MAP4K5: variants seen among roughly 807,000 people sequenced by gnomAD.
The protein encoded by MAP4K5 is mitogen-activated protein kinase kinase kinase kinase 5, also known as MAPK/ERK kinase kinase kinase 5.
Under a neutral mutation model 135.6 loss-of-function variants are expected in MAP4K5, and 82 were observed. That is an observed-to-expected ratio of 0.60 (90% CI 0.51 to 0.73). The LOEUF is 0.73. Among genes scored for constraint, MAP4K5 ranks in the 30% least tolerant of loss-of-function variants. The pLI is 0.00. For missense variants in MAP4K5, 907 were observed against 1,010.9 expected, an observed-to-expected ratio of 0.90 and a Z score of 1.39; for synonymous variants, 347 against 335.0, an observed-to-expected ratio of 1.04 and a Z score of -0.39.
intron 8 of MAP4K5, 93 bp from the exon 9 acceptor site, chr14:50,475,242 C>T: frequency 1.1e-6 from 1 of 875,286 alleles, no homozygotes; most frequent in Non-Finnish European, 1.9e-6. Flanking sequence ...ATTAATAATT[C>T]AAATATTAAT....
At chr14:50,427,174 T>C (rs748442235) in intron 30 of MAP4K5, among the ~76,000 whole-genome samples, 4 of 152,202 alleles carry the variant, frequency 2.6e-5, no homozygotes, top group Admixed American at 2.0e-4. Flanking sequence ...GAACAAACTT[T>C]TGTGTAACAA....
rs573578974 is a variant in MAP4K5 at position 50,437,527 on chromosome 14, C to T, written c.1831G>A (p.Ala611Thr). The T allele has an allele frequency of 2.3e-5, 36 of 1,598,276 alleles. No homozygotes were observed. Among genetic ancestry groups the T allele is most frequent in the Non-Finnish European group, 2.6e-5 (31 of 1,172,604 alleles). Residue 611 changes from alanine to threonine, a missense_variant, in exon 26 of 33, where the codon GCT (alanine) becomes ACT (threonine). By Grantham distance (58) the Ala-to-Thr change is moderately conservative. This residue lies in a region of MAP4K5 where 690 missense variants were observed against 777.4 expected (regional missense o/e 0.89). Transcript: ENST00000682126. ...FPDRILPRKF[A>T]LTTKIPDTKG... The stretch of plus-strand genomic sequence containing the variant: ...GTATCAGGAATCTTTGTTGTTAAAG[C>T]GAATTTTCTGAAAACGTAAGACGAT...
At chr14:50,424,174 A>G (rs940104343) in intron 31 of MAP4K5, among the ~76,000 whole-genome samples, 4 of 152,078 alleles carry the variant, frequency 2.6e-5, no homozygotes, top group Non-Finnish European at 4.4e-5. Flanking sequence ...AAGTTAAAAA[A>G]AAAAAAAAGT....
chr14:50,426,973 ATAAT>A (rs1420866844), intron 30 of MAP4K5, among the ~76,000 whole-genome samples: 3 of 152,238 alleles, frequency 2.0e-5, no homozygotes, highest in Non-Finnish European at 4.4e-5. Context: ...TTCTGGGAAC[ATAAT>A]TAAGCTCAAT....
rs376197564 is a variant in MAP4K5, at chr14:50,466,194, T to C, written c.737+389A>G. On this transcript the variant is annotated intron_variant, in intron 11 of 32. Transcript: ENST00000682126. ...GAGTTTGAGACCAGCCTGGGCAACA[T>C]AGTGAGACCCTGTCTCTATAACAAA... Among the ~76,000 whole-genome samples the C allele has an allele frequency of 1.2e-3, 183 of 151,746 alleles. 2 individuals carry two copies. In the South Asian group the frequency reaches 0.033, roughly 27 times the overall value.
chr14:50,428,565 C>A lies in MAP4K5; in HGVS notation c.2326+97G>T. ...AACATTTCTATCTTTACAGAAATTT[C>A]TGTGAGACAGTGCTGGTCTAGACAA... is the stretch of plus-strand genomic sequence containing the variant. On this transcript the variant is annotated intron_variant, in intron 30 of 32. Transcript: ENST00000682126. 3.0e-6 allele frequency: 2 copies of A among 670,638 alleles called. 1 individual carries two copies. The highest frequency in any genetic ancestry group is 4.7e-5 in the South Asian group (2 of 42,268). 41.5% of individuals were successfully genotyped at this position (670,638 alleles called of 1,614,324 possible).
chr14:50,440,061 T>A lies in MAP4K5; in HGVS notation c.1657A>T (p.Lys553Ter), dbSNP rs2036191017. The A allele has an allele frequency of 6.6e-7, 1 of 1,519,774 alleles. No individual in the cohort carries two copies. Among genetic ancestry groups the A allele is most frequent in the African/African-American group, 1.4e-5 (1 of 71,766 alleles). 94.1% of individuals were successfully genotyped at this position (1,519,774 alleles called of 1,614,324 possible). Residue 553 changes from lysine to a stop codon, truncating the protein, a stop_gained, in exon 23 of 33, where the codon AAG (lysine) becomes TAG (stop). Coordinates refer to ENST00000682126, the MANE Select transcript of MAP4K5 (RefSeq NM_006575.6). LOFTEE classifies it high-confidence loss of function. The stretch of plus-strand genomic sequence containing the variant: ...TTGATAACATACAGCCAAGTACACT[T>A]CCGTGGAAATAACTAAGAAAAAGAA... ...EATMEQLFPR[K>*]CTWLYVINNT...
chr14:50,473,957 C>G lies in MAP4K5; in HGVS notation c.542+1120G>C, dbSNP rs1355675627. Among the ~76,000 whole-genome samples the G allele has an allele frequency of 5.3e-5, 8 of 152,192 alleles. No individual in the cohort carries two copies. The East Asian group carries it at 1.5e-3, about 29-fold the overall frequency. On this transcript the variant is annotated intron_variant, in intron 9 of 32. Transcript: ENST00000682126. Reference sequence around the variant, plus strand: ...GCCAGGATGGTCTCGATCTCCTGACCTCTTGATCCGCCCGCCTCAGCCTCT... The same window carrying G: ...GCCAGGATGGTCTCGATCTCCTGACGTCTTGATCCGCCCGCCTCAGCCTCT...
rs773304287 is a variant in MAP4K5, at chr14:50,456,570, T to C, written c.961A>G (p.Ile321Val). ...CTGGCATTCCTGTTTGTAGATCTAA[T>C]GGTATGACGAATGATTGCATGGGGC... ...FEPHAIIRHT[I>V]RSTNRNARAE... is the part of the protein sequence containing the mutation. The change falls in exon 14 of 33, where the codon ATT becomes GTT. Residue 321 changes from isoleucine to valine, a missense_variant. Around this residue, in one of 3 missense-constraint regions of MAP4K5, gnomAD observed 690 missense variants for 777.4 expected, o/e 0.89. Transcript: ENST00000682126. 2.5e-6 allele frequency: 4 copies of C among 1,576,452 alleles called. No individual in the cohort carries two copies. The highest frequency in any genetic ancestry group is 2.7e-5 in the African/African-American group (2 of 74,114).
chr14:50,434,896 A>G (rs1474565675), intron 27 of MAP4K5, 66 bp downstream of exon 27: 12 of 923,786 alleles, frequency 1.3e-5, no homozygotes. Flanking sequence ...GGGATCTGCT[A>G]ATTTTAGCTT....
chr14:50,446,206 A>G, intron 16 of MAP4K5, 85 bp from the exon 17 acceptor site: 1 of 807,146 alleles, frequency 1.2e-6, no homozygotes. Context: ...TATTAAAATC[A>G]GTTTCTATAC....
chr14:50,430,524 T>C (rs1178971446), intron 28 of MAP4K5, among the ~76,000 whole-genome samples: 1 of 152,222 alleles, frequency 6.6e-6, no homozygotes, highest in African/African-American at 2.4e-5. Flanking sequence ...GATTGCCAAA[T>C]AGCAGGTATT....
chr14:50,456,719 A>G, intron 13 of MAP4K5, 125 bp from the exon 14 acceptor site: 4 of 641,854 alleles, frequency 6.2e-6, no homozygotes, highest in Non-Finnish European at 1.1e-5. Context: ...TAAACATAAA[A>G]CAAATACAAT....
At chr14:50,551,135 T>C (rs1195226161) in intron 1 of MAP4K5, among the ~76,000 whole-genome samples, 2 of 151,870 alleles carry the variant, frequency 1.3e-5, no homozygotes, top group Non-Finnish European at 2.9e-5. Context: ...ATTAGTGAGA[T>C]TAACTAAGAA....
chr14:50,473,827 C>T (rs2037030191), intron 9 of MAP4K5, among the ~76,000 whole-genome samples: 1 of 151,056 alleles, frequency 6.6e-6, no homozygotes, highest in Non-Finnish European at 1.5e-5. Flanking sequence ...GGGTTCACGC[C>T]CTTCTCCTGC....
chr14:50,443,690 GA>G, intron 20 of MAP4K5, 38 bp downstream of exon 20: 3 of 1,543,786 alleles, frequency 1.9e-6, no homozygotes, highest in South Asian at 1.3e-5. Flanking sequence ...TCTAAAGAGA[GA>G]AAAAACGGCA....
chr14:50,435,449 C>A (rs1367431989), intron 26 of MAP4K5, among the ~76,000 whole-genome samples: 1 of 152,116 alleles, frequency 6.6e-6, no homozygotes, highest in Non-Finnish European at 1.5e-5. Context: ...ACTGCAGCCT[C>A]AATCTCCCAG....
chr14:50,458,959 C>T (rs915516869), intron 13 of MAP4K5, among the ~76,000 whole-genome samples: 3 of 152,066 alleles, frequency 2.0e-5, no homozygotes, highest in Non-Finnish European at 4.4e-5. Flanking sequence ...CAGGAACCCA[C>T]CACCAAGCCT....
At chr14:50,449,658 G>A (rs189733147) in intron 14 of MAP4K5, 15 of 152,114 alleles carry the variant, frequency 9.9e-5, no homozygotes, top group Non-Finnish European at 1.6e-4. Context: ...AACAAAAACA[G>A]TATGTCATAA....
Sources: allele counts gnomAD v4.1 joint callset (sites outside exome capture counted in the v4.1 genomes callset), GRCh38; gene constraint gnomAD v4.1.1; regional missense constraint gnomAD v4.1.1; transcripts MANE v1.5; gene names NCBI Gene and HGNC (gene_info 2026-07-23, HGNC 2026-07-21).